The following CATSPERT variants were observed in gnomAD, a reference collection of about 807,000 sequenced individuals.
CATSPERT encodes the protein cation channel sperm-associated targeting subunit tau.
chr2:201,574,850 T>G, the CATSPERT span, among the ~76,000 whole-genome samples: 7 of 152,180 alleles, frequency 4.6e-5, no homozygotes, highest in African/African-American at 1.4e-4. Context: ...ACTACTAATT[T>G]TAAGCACTTA....
At chr2:201,600,512 C>G in the CATSPERT span, among the ~76,000 whole-genome samples, 1 of 151,880 alleles carries the variant, frequency 6.6e-6, no homozygotes, top group Non-Finnish European at 1.5e-5. Flanking sequence ...GTGCAGCAAG[C>G]CAACATGGCA....
chr2:201,582,486 T>C, the CATSPERT span, among the ~76,000 whole-genome samples: 1 of 152,190 alleles, frequency 6.6e-6, no homozygotes, highest in African/African-American at 2.4e-5. Flanking sequence ...TTATCATCTT[T>C]TGGAAACACC....
chr2:201,577,279 T>C, the CATSPERT span, among the ~76,000 whole-genome samples: 1 of 152,166 alleles, frequency 6.6e-6, no homozygotes, highest in Non-Finnish European at 1.5e-5. Flanking sequence ...AAAATGCCTC[T>C]GGTCCCAGGC....
chr2:201,559,939 G>T, the CATSPERT span, among the ~76,000 whole-genome samples: 391 of 152,078 alleles, frequency 2.6e-3, 2 homozygotes, highest in African/African-American at 8.6e-3. Context: ...CCGATCATAA[G>T]GAAATACATG....
chr2:201,595,679 C>T, the CATSPERT span, among the ~76,000 whole-genome samples: 3 of 150,868 alleles, frequency 2.0e-5, 1 homozygote, highest in South Asian at 6.2e-4. Context: ...GGGAGAACCA[C>T]TGCTCTCTTC....
At chr2:201,578,343 ATCT>A in the CATSPERT span, among the ~76,000 whole-genome samples, 3 of 152,180 alleles carry the variant, frequency 2.0e-5, no homozygotes, top group Admixed American at 2.0e-4. Flanking sequence ...TTTAGACCTC[ATCT>A]TCTCCCTATG....
chr2:201,548,172 G>C, the CATSPERT span, among the ~76,000 whole-genome samples: 1 of 152,014 alleles, frequency 6.6e-6, no homozygotes, highest in African/African-American at 2.4e-5. Context: ...TTTACATTAA[G>C]TATTTCTCCT....
At chr2:201,521,429 GAC>G in the CATSPERT span, among the ~76,000 whole-genome samples, 7 of 91,958 alleles carry the variant, frequency 7.6e-5, no homozygotes, top group African/African-American at 9.7e-5. Flanking sequence ...GAGAGAGACA[GAC>G]AGAGAGAGAG....
At chr2:201,548,956 T>C in the CATSPERT span, among the ~76,000 whole-genome samples, 1 of 151,998 alleles carries the variant, frequency 6.6e-6, no homozygotes, top group Non-Finnish European at 1.5e-5. Flanking sequence ...CAAGTATCTC[T>C]TCCAGGACAG....
the CATSPERT span, chr2:201,494,405 C>G: frequency 1.3e-6 from 2 of 1,537,418 alleles, no homozygotes; most frequent in South Asian, 2.4e-5. Context: ...ACATTTCCAG[C>G]CCTTGATGAT....
At chr2:201,592,152 T>G in the CATSPERT span, among the ~76,000 whole-genome samples, 5 of 152,172 alleles carry the variant, frequency 3.3e-5, no homozygotes, top group African/African-American at 1.2e-4. Context: ...TATTTTGAAA[T>G]ACGTCAATAC....
the CATSPERT span, among the ~76,000 whole-genome samples, chr2:201,584,819 T>C: frequency 6.6e-6 from 1 of 151,788 alleles, no homozygotes; most frequent in Non-Finnish European, 1.5e-5. Context: ...AAATATTAGC[T>C]AATAATTTTT....
At chr2:201,604,805 C>T in the CATSPERT span, 697 of 681,398 alleles carry the variant, frequency 1.0e-3, 6 homozygotes, top group African/African-American at 0.012. Context: ...CAGGTCTCCT[C>T]GGTATTGGGG....
At chr2:201,601,871 ATGT>A in the CATSPERT span, 1 of 1,599,288 alleles carries the variant, frequency 6.3e-7, no homozygotes, top group Non-Finnish European at 8.6e-7. Flanking sequence ...AATTAGCATA[ATGT>A]TGTAAACTGA....
the CATSPERT span, among the ~76,000 whole-genome samples, chr2:201,545,306 G>A: frequency 6.6e-6 from 1 of 151,934 alleles, no homozygotes; most frequent in East Asian, 1.9e-4. Context: ...CAAAATGCTG[G>A]GATTACAGGC....
At chr2:201,558,383 C>G in the CATSPERT span, 4 of 152,210 alleles carry the variant, frequency 2.6e-5, no homozygotes, top group Non-Finnish European at 5.9e-5. Flanking sequence ...GAATAAACAA[C>G]TAAGATTTGA....
chr2:201,533,330 A>G, the CATSPERT span, among the ~76,000 whole-genome samples: 3 of 152,230 alleles, frequency 2.0e-5, no homozygotes, highest in Non-Finnish European at 4.4e-5. Context: ...AACTACAAAC[A>G]GAAGTTATTT....
At chr2:201,518,565 A>G in the CATSPERT span, among the ~76,000 whole-genome samples, 1 of 152,346 alleles carries the variant, frequency 6.6e-6, no homozygotes, top group African/African-American at 2.4e-5. Flanking sequence ...TTACAAACTG[A>G]TCTTAGTCCT....
chr2:201,614,913 G>C, the CATSPERT span, among the ~76,000 whole-genome samples: 1 of 152,180 alleles, frequency 6.6e-6, no homozygotes, highest in African/African-American at 2.4e-5. Context: ...TGCAATGCTA[G>C]TCTCTGATAA....
Sources: gnomAD v4.1 joint callset for allele counts (sites outside exome capture counted in the v4.1 genomes callset) on GRCh38, gnomAD v4.1.1 for gene constraint, MANE v1.5 for transcripts, NCBI Gene and HGNC (gene_info 2026-07-23, HGNC 2026-07-21) for gene names.